The following CCDC178 variants were observed in gnomAD, a reference collection of about 807,000 sequenced individuals.
The protein encoded by CCDC178 is coiled-coil domain containing 178.
A neutral mutation model predicts 117.4 loss-of-function variants in CCDC178; 126 were observed. The observed-to-expected ratio is 1.07, with a 90% CI of 0.93 to 1.24. The LOEUF (loss-of-function observed/expected upper bound fraction) is 1.24, where lower values mean the gene tolerates loss of function less well. Ranked by LOEUF, CCDC178 falls within the 50% of genes most tolerant of loss-of-function variation. The pLI is 0.00. For missense variants in CCDC178, 1,030 were observed against 986.9 expected (o/e 1.04, Z -0.59); for synonymous variants, 283 against 313.4 (o/e 0.90, Z 1.02).
chr18:33,416,899 A>G (rs2044358222), intron 2 of CCDC178, among the ~76,000 whole-genome samples: 1 of 149,898 alleles, frequency 6.7e-6, no homozygotes, highest in Non-Finnish European at 1.5e-5. Flanking sequence ...TAAAACCATA[A>G]TGAGATATCT....
At chr18:33,346,456 T>C (rs1599198083) in intron 8 of CCDC178, 45 bp from the exon 9 acceptor site, 1 of 1,299,228 alleles carries the variant, frequency 7.7e-7, no homozygotes, top group Non-Finnish European at 1.1e-6. Context: ...AATCAGTCAA[T>C]AAGCTGGATG....
At chr18:33,038,376 A>T (rs928788893) in intron 21 of CCDC178, among the ~76,000 whole-genome samples, 27 of 151,862 alleles carry the variant, frequency 1.8e-4, no homozygotes, top group African/African-American at 6.3e-4. Context: ...TATATATTGA[A>T]TTTTCTCATA....
intron 20 of CCDC178, among the ~76,000 whole-genome samples, chr18:33,194,162 C>T (rs1309264043): frequency 6.6e-6 from 1 of 151,876 alleles, no homozygotes; most frequent in Non-Finnish European, 1.5e-5. Context: ...GTATTAACCT[C>T]TGTATATAGG....
chr18:33,169,130 C>A (rs187691257), intron 20 of CCDC178, among the ~76,000 whole-genome samples: 1 of 152,130 alleles, frequency 6.6e-6, no homozygotes, highest in African/African-American at 2.4e-5. Flanking sequence ...AGGTAAGTTA[C>A]GGAAATTTGC....
At chr18:33,139,807 G>A (rs551719040) in intron 20 of CCDC178, among the ~76,000 whole-genome samples, 8 of 152,278 alleles carry the variant, frequency 5.3e-5, no homozygotes, top group South Asian at 4.1e-4. Context: ...AGAAATTTGC[G>A]TAAGTAACGA....
intron 20 of CCDC178, among the ~76,000 whole-genome samples, chr18:33,210,574 A>G (rs538714896): frequency 7.2e-5 from 11 of 152,158 alleles, no homozygotes; most frequent in African/African-American, 2.4e-4. Flanking sequence ...TGACTAGAAA[A>G]TGTGGTTGAA....
At chr18:33,363,666 A>G (rs1402902323) in intron 6 of CCDC178, among the ~76,000 whole-genome samples, 1 of 152,052 alleles carries the variant, frequency 6.6e-6, no homozygotes, top group East Asian at 1.9e-4. Context: ...TATACTAAGT[A>G]TGCAGGAGCA....
At chr18:33,090,108 T>C (rs1433791336) in intron 21 of CCDC178, among the ~76,000 whole-genome samples, 2 of 152,148 alleles carry the variant, frequency 1.3e-5, no homozygotes, top group East Asian at 3.9e-4. Flanking sequence ...ATATTAACAG[T>C]AAGAGAAATA....
At chr18:33,082,243 G>C (rs575168931) in intron 21 of CCDC178, among the ~76,000 whole-genome samples, 13 of 152,256 alleles carry the variant, frequency 8.5e-5, no homozygotes, top group African/African-American at 2.9e-4. Context: ...GGCCGAGGCA[G>C]GCAGATCGCT....
chr18:33,108,791 T>A (rs1243942285), intron 20 of CCDC178, among the ~76,000 whole-genome samples: 4 of 151,666 alleles, frequency 2.6e-5, no homozygotes, highest in African/African-American at 9.7e-5. Flanking sequence ...TAAACGGTTT[T>A]TTAAAAAAAG....
intron 21 of CCDC178, among the ~76,000 whole-genome samples, chr18:33,040,897 C>A (rs1371839818): frequency 6.6e-6 from 1 of 151,830 alleles, no homozygotes; most frequent in Admixed American, 6.6e-5. Flanking sequence ...TAGTAGTGAG[C>A]ATCGAGTATA....
At chr18:33,124,223 G>A (rs1263547623) in intron 20 of CCDC178, among the ~76,000 whole-genome samples, 1 of 152,140 alleles carries the variant, frequency 6.6e-6, no homozygotes, top group African/African-American at 2.4e-5. Flanking sequence ...AAATTAACAA[G>A]TGCTACTAAC....
At chr18:33,063,373 A>T (rs2056961051) in intron 21 of CCDC178, among the ~76,000 whole-genome samples, 1 of 152,078 alleles carries the variant, frequency 6.6e-6, no homozygotes, top group East Asian at 1.9e-4. Flanking sequence ...GCTCTCCCAG[A>T]CTGCTGCCAC....
intron 21 of CCDC178, among the ~76,000 whole-genome samples, chr18:33,019,915 ATTATTATTAT>A (rs2056075956): frequency 5.5e-3 from 2 of 362 alleles, no homozygotes; most frequent in South Asian, 0.17. Flanking sequence ...TAACTGAGAT[ATTATTATTAT>A]TATTATTATT....
intron 6 of CCDC178, among the ~76,000 whole-genome samples, chr18:33,365,989 C>T (rs2063200161): frequency 6.6e-6 from 1 of 152,022 alleles, no homozygotes; most frequent in Non-Finnish European, 1.5e-5. Flanking sequence ...ATTCAAATTG[C>T]ACTTAAACTG....
chr18:33,156,082 CTTTTTTTTTTT>C (rs755685926), intron 20 of CCDC178, among the ~76,000 whole-genome samples: 1 of 98,038 alleles, frequency 1.0e-5, no homozygotes, highest in African/African-American at 4.1e-5. Context: ...CTAGAAAACA[CTTTTTTTTTTT>C]TTTTTTTTTT....
chr18:33,389,803 T>C (rs998946833), intron 4 of CCDC178, among the ~76,000 whole-genome samples, 174 bp from the exon 5 acceptor site: 16 of 151,854 alleles, frequency 1.1e-4, no homozygotes, highest in Non-Finnish European at 1.5e-4. Flanking sequence ...ATATTTTCTC[T>C]ATGCTCTTCA....
At chr18:33,280,950 T>C (rs1471255155) in intron 12 of CCDC178, among the ~76,000 whole-genome samples, 5 of 152,056 alleles carry the variant, frequency 3.3e-5, no homozygotes, top group African/African-American at 1.2e-4. Flanking sequence ...CTGGGGACTG[T>C]TGTGGGGTGG....
At chr18:33,399,954 C>G (rs1440829097) in intron 3 of CCDC178, among the ~76,000 whole-genome samples, 1 of 152,058 alleles carries the variant, frequency 6.6e-6, no homozygotes, top group Non-Finnish European at 1.5e-5. Context: ...ACTAATAAAA[C>G]TTGGAAGTTA....
Sources: gnomAD v4.1 joint callset for allele counts (sites outside exome capture counted in the v4.1 genomes callset) on GRCh38, gnomAD v4.1.1 for gene constraint, MANE v1.5 for transcripts, NCBI Gene and HGNC (gene_info 2026-07-23, HGNC 2026-07-21) for gene names.